The following SPEG variants were observed in gnomAD, a reference collection of about 807,000 sequenced individuals.
SPEG encodes the protein striated muscle preferentially expressed protein kinase.
A neutral mutation model predicts 300.4 loss-of-function variants in SPEG; 114 were observed. The observed-to-expected ratio is 0.38, with a 90% CI of 0.33 to 0.44. SPEG has a LOEUF of 0.44. SPEG is among the 20% of genes least tolerant of loss of function. The pLI, the probability that SPEG is intolerant of heterozygous loss-of-function variation, is 1.00. For missense variants in SPEG, 4,201 were observed against 4,586.2 expected (o/e 0.92, Z 2.43); for synonymous variants, 1,964 against 2,018.9 (o/e 0.97, Z 0.73).
At position 219,461,937 on chromosome 2, in the gene SPEG, C is replaced by T. The variant is rs2125401244; in HGVS notation, c.2496C>T (p.Ser832=). 1 of 1,613,698 alleles carries T rather than the reference C, an allele frequency of 6.2e-7. No individual in the cohort carries two copies. Among genetic ancestry groups the T allele is most frequent in the Non-Finnish European group, 8.5e-7 (1 of 1,179,842 alleles). Residue 832 remains serine (S), a synonymous_variant, in exon 7 of 41, where the codon AGC becomes AGT. Transcript: ENST00000312358. ...TCACCTCCGACGAGGAATACCTGAG[C>T]CCCCCAGAGGAGTTCCCAGAGCCTG... ...SPITSDEEYL[S]PPEEFPEPGE... is the part of the protein sequence containing the mutation.
In SPEG at chr2:219,483,998, G is replaced by A; in HGVS notation, c.6535G>A (p.Ala2179Thr). ...ALSEAQPSSP[A>T]RPSAPKPSTP... Reference sequence around the variant, plus strand: ...CAGCGAGGCCCAGCCATCCAGCCCTGCACGGCCCAGCGCCCCCAAACCCAG... The same window carrying A: ...CAGCGAGGCCCAGCCATCCAGCCCTACACGGCCCAGCGCCCCCAAACCCAG... The change falls in exon 30 of 41, where the codon GCA becomes ACA. Residue 2179 changes from alanine (A) to threonine (T), a missense_variant. Coordinates refer to ENST00000312358, the MANE Select transcript of SPEG (RefSeq NM_005876.5). 2 of 1,612,246 alleles carry A rather than the reference G, an allele frequency of 1.2e-6. No homozygotes were observed. Among genetic ancestry groups the A allele is most frequent in the Non-Finnish European group, 1.7e-6 (2 of 1,179,852 alleles).
chr2:219,442,236 C>A (rs1688976337), intron 1 of SPEG, among the ~76,000 whole-genome samples: 1 of 151,434 alleles, frequency 6.6e-6, no homozygotes, highest in Non-Finnish European at 1.5e-5. Context: ...GGGCCGGGCG[C>A]GATCTAGGGG....
intron 6 of SPEG, chr2:219,461,567 C>A: frequency 8.4e-7 from 1 of 1,194,744 alleles, no homozygotes; most frequent in Non-Finnish European, 1.1e-6. Context: ...TGCCCTGCTC[C>A]AGTGGAATTC....
In SPEG at chr2:219,481,660, C is replaced by T; in HGVS notation, c.5545C>T (p.Leu1849=). The T allele has an allele frequency of 1.2e-6, 2 of 1,614,088 alleles. No homozygotes were observed. The highest frequency in any genetic ancestry group is 8.5e-7 in the Non-Finnish European group (1 of 1,179,964). The change falls in exon 28 of 41, where the codon CTA becomes TTA. Residue 1849 remains leucine, a synonymous_variant. Coordinates refer to ENST00000312358, the MANE Select transcript of SPEG (RefSeq NM_005876.5). The surrounding 1 kb of genome is among the most constrained non-coding windows in gnomAD (Gnocchi z 5.4). ...DRLRPTAEET[L]EHPWFKTQAK... ...CAGGAGACCTACCGCAGAAGAGACC[C>T]TAGAACATCCTTGGTTCAAAGTGAG...
intron 31 of SPEG, among the ~76,000 whole-genome samples, chr2:219,486,513 G>A (rs543462717): frequency 1.2e-4 from 18 of 152,296 alleles, no homozygotes; most frequent in Admixed American, 5.2e-4. Flanking sequence ...GGCTGCTGGT[G>A]GGGAGGGGAG....
At position 219,478,054 on chromosome 2, in the gene SPEG, A is replaced by G. The variant is rs188341907; in HGVS notation, c.4976A>G (p.Tyr1659Cys). ...LARLQHDCVL[Y>C]FHEAFERRRG... ...AGGCTCCAGCACGACTGTGTCCTCT[A>G]CTTCCATGAGGCCTTCGAGAGGCGC... Residue 1659 changes from tyrosine to cysteine, a missense_variant, in exon 22 of 41, where the codon TAC becomes TGC. By Grantham distance (194) the Tyr-to-Cys change is radical (BLOSUM62 -2). Around this residue, in one of 4 missense-constraint regions of SPEG, gnomAD observed 1,047 missense variants for 1,356.8 expected, o/e 0.77. Coordinates refer to ENST00000312358, the MANE Select transcript of SPEG (RefSeq NM_005876.5). 6.5e-5 allele frequency: 105 copies of G among 1,614,164 alleles called. No homozygotes were observed. The highest frequency in any genetic ancestry group is 8.1e-5 in the Non-Finnish European group (96 of 1,180,022).
In SPEG at chr2:219,464,283, A is replaced by G. The variant is rs1378079675; in HGVS notation, c.2706-150A>G. 3.5e-6 allele frequency: 3 copies of G among 852,366 alleles called. No individual in the cohort carries two copies. The highest frequency in any genetic ancestry group is 1.8e-6 in the Non-Finnish European group (1 of 558,256). 52.8% of individuals were successfully genotyped at this position (852,366 alleles called of 1,614,324 possible). The stretch of plus-strand genomic sequence containing the variant: ...GTGGGGGTAAAAACCTAGCCCTGGA[A>G]ACCAGGGATGCCCACGGTCAGTGGG... On this transcript the variant is annotated intron_variant, in intron 8 of 40. Coordinates refer to ENST00000312358, the MANE Select transcript of SPEG (RefSeq NM_005876.5). This position sits in a 1 kb window ranked among gnomAD's most constrained non-coding sequence, Gnocchi z 4.5.
At position 219,473,355 on chromosome 2, in the gene SPEG, C is replaced by T. The variant is rs116038679; in HGVS notation, c.4148-149C>T. The T allele has an allele frequency of 3.6e-5, 31 of 859,866 alleles. No individual in the cohort carries two copies. The highest frequency in any genetic ancestry group is 5.4e-5 in the Non-Finnish European group (30 of 552,496). The allele number at this position is 859,866 out of a possible 1,614,324, so 53.3% of individuals were successfully genotyped here. ...AGCTTTGCTGCTCTCTGGCTGTGTT[C>T]CCCTGACAAATCGCTAAACCTCTCT... is the stretch of plus-strand genomic sequence containing the variant. On this transcript the variant is annotated intron_variant, in intron 16 of 40. Transcript: ENST00000312358. This position sits in a 1 kb window ranked among gnomAD's most constrained non-coding sequence, Gnocchi z 4.6.
rs936789975 is a variant in SPEG, at chr2:219,461,867, T to G, written c.2441-15T>G. The G allele has an allele frequency of 6.2e-7, 1 of 1,611,684 alleles. No homozygotes were observed. The highest frequency in any genetic ancestry group is 1.3e-5 in the African/African-American group (1 of 74,814). ...CTCGCCTTCCTCCCTGGTAGCTATC[T>G]CTGTCTCTCTCCAGGTGGGTCTACA... On this transcript the variant is annotated splice_polypyrimidine_tract_variant and intron_variant, in intron 6 of 40. Transcript: ENST00000312358.
intron 11 of SPEG, 34 bp from the exon 12 acceptor site, chr2:219,468,825 G>T (rs374042977): frequency 6.2e-7 from 1 of 1,608,316 alleles, no homozygotes; most frequent in South Asian, 1.1e-5. Context: ...CCCTCACTGT[G>T]CCTGCTCTGC....
chr2:219,437,657 T>G (rs1310668397), intron 1 of SPEG, among the ~76,000 whole-genome samples: 3 of 152,110 alleles, frequency 2.0e-5, no homozygotes, highest in Non-Finnish European at 4.4e-5. Context: ...TCTGTCCCAC[T>G]GCAAAGAACC....
In SPEG at chr2:219,444,584, G is replaced by C; in HGVS notation, c.389-69G>C. 2 of 1,353,308 alleles carry C rather than the reference G, an allele frequency of 1.5e-6. No homozygotes were observed. The highest frequency in any genetic ancestry group is 2.1e-6 in the Non-Finnish European group (2 of 949,386). 83.8% of individuals were successfully genotyped at this position (1,353,308 alleles called of 1,614,324 possible). ...GGAGCCTGCTGTTGGCAGGGAGGCA[G>C]AAGGCAATAGGGAAGAGTTGGAGGC... On this transcript the variant is annotated intron_variant, in intron 1 of 40. Coordinates refer to ENST00000312358, the MANE Select transcript of SPEG (RefSeq NM_005876.5). The surrounding 1 kb of genome is among the most constrained non-coding windows in gnomAD (Gnocchi z 7.8).
At chr2:219,486,752 C>T (rs1005213226) in intron 31 of SPEG, among the ~76,000 whole-genome samples, 2 of 151,814 alleles carry the variant, frequency 1.3e-5, no homozygotes, top group East Asian at 1.9e-4. Context: ...GTGGGGCTGG[C>T]GGGGCTGGCA....
intron 22 of SPEG, 55 bp downstream of exon 22, chr2:219,478,160 T>C: frequency 6.8e-7 from 1 of 1,466,678 alleles, no homozygotes; most frequent in Non-Finnish European, 9.5e-7. Context: ...GACTGGTCCT[T>C]GTAACATCCA....
At chr2:219,440,550 T>G (rs1428205650) in intron 1 of SPEG, among the ~76,000 whole-genome samples, 1 of 145,888 alleles carries the variant, frequency 6.9e-6, no homozygotes, top group Non-Finnish European at 1.5e-5. Context: ...TCTGTCCCTG[T>G]ATTTATTTTA....
rs1575210818 is a variant in SPEG at position 219,492,725 on chromosome 2, GC to G, written c.9745del (p.Arg3249GlyfsTer46). On this transcript the variant is annotated frameshift_variant, in exon 41 of 41. Transcript: ENST00000312358. LOFTEE classifies it high-confidence loss of function. Reference sequence around the variant, plus strand: ...GAGTTCCTGGGCGAGCAGCGGCGGCGCCGGGCTGAGGCTGCCACCCGCCACA... The same window carrying G: ...GAGTTCCTGGGCGAGCAGCGGCGGCGCGGGCTGAGGCTGCCACCCGCCACA... Reference protein sequence around the residue: ...LKEFLGEQRRRRAEAATRHKV... With the variant: ...LKEFLGEQRRXRAEAATRHKV... The G allele has an allele frequency of 6.3e-7, 1 of 1,591,804 alleles. No homozygotes were observed. The highest frequency in any genetic ancestry group is 8.5e-7 in the Non-Finnish European group (1 of 1,174,030).
In SPEG at chr2:219,448,943, A is replaced by G; in HGVS notation, c.1785A>G (p.Gln595=). Residue 595 remains glutamine (Q), a synonymous_variant, in exon 4 of 41, where the codon CAA becomes CAG. Coordinates refer to ENST00000312358, the MANE Select transcript of SPEG (RefSeq NM_005876.5). Reference sequence around the variant, plus strand: ...AGCAGGAGGTTAGGCGTCGGGACCAATTCCCGCTGACCCGGAGCAGAGCCA... The same window carrying G: ...AGCAGGAGGTTAGGCGTCGGGACCAGTTCCCGCTGACCCGGAGCAGAGCCA... ...GPQQEVRRRD[Q]FPLTRSRAIQ... The G allele has an allele frequency of 6.7e-7, 1 of 1,499,984 alleles. No homozygotes were observed. Among genetic ancestry groups the G allele is most frequent in the Non-Finnish European group, 8.9e-7 (1 of 1,129,108 alleles). The allele number at this position is 1,499,984 out of a possible 1,614,324, so 92.9% of individuals were successfully genotyped here.
chr2:219,478,492 C>G (rs1162011925), intron 22 of SPEG, among the ~76,000 whole-genome samples: 1 of 152,174 alleles, frequency 6.6e-6, no homozygotes, highest in Non-Finnish European at 1.5e-5. Context: ...TCATGAAATG[C>G]AGTACAATGC....
Position 219,464,477 on chromosome 2 carries a change from C to T in SPEG, c.2750C>T (p.Ala917Val), listed in dbSNP as rs532900801. 5.6e-6 allele frequency: 9 copies of T among 1,613,582 alleles called. No individual in the cohort carries two copies. Among genetic ancestry groups the T allele is most frequent in the African/African-American group, 5.3e-5 (4 of 75,066 alleles). Reference sequence around the variant, plus strand: ...GTGCGCCCAGACCAGCGGCGCTTTGCGGAGGAGGCTGAGGGTGGGCTGTGC... The same window carrying T: ...GTGCGCCCAGACCAGCGGCGCTTTGTGGAGGAGGCTGAGGGTGGGCTGTGC... Reference protein sequence around the residue: ...QPVRPDQRRFAEEAEGGLCRL... With the variant: ...QPVRPDQRRFVEEAEGGLCRL... The change falls in exon 9 of 41, where the codon GCG becomes GTG. Residue 917 changes from alanine to valine, a missense_variant. Transcript: ENST00000312358. This position sits in a 1 kb window ranked among gnomAD's most constrained non-coding sequence, Gnocchi z 4.5.
Sources: allele counts gnomAD v4.1 joint callset (sites outside exome capture counted in the v4.1 genomes callset), GRCh38; gene constraint gnomAD v4.1.1; regional missense constraint gnomAD v4.1.1; non-coding constraint Gnocchi (gnomAD v3.1); transcripts MANE v1.5; gene names NCBI Gene and HGNC (gene_info 2026-07-23, HGNC 2026-07-21).